The following NXPE2 variants were observed in gnomAD, a reference collection of about 807,000 sequenced individuals.
NXPE2 encodes the protein neurexophilin and PC-esterase domain family member 2, also known as NXPE family member 2.
In NXPE2, 34 loss-of-function variants were observed where a neutral mutation model predicts 34.4. The observed-to-expected ratio is 0.99, with a 90% CI of 0.75 to 1.31. NXPE2 has a LOEUF of 1.31. NXPE2 is among the 40% of genes most tolerant of loss of function. NXPE2 has a pLI of 0.00. For missense variants in NXPE2, 649 were observed against 672.5 expected (o/e 0.97, Z 0.39); for synonymous variants, 235 against 231.3 (o/e 1.02, Z -0.15).
chr11:114,681,558 A>T (rs779363623), intron 2 of NXPE2, among the ~76,000 whole-genome samples: 1 of 152,082 alleles, frequency 6.6e-6, no homozygotes, highest in African/African-American at 2.4e-5. Context: ...ACTTCCACGT[A>T]GTTCTTACTT....
At chr11:114,771,360 A>AAAG in the NXPE2 span, among the ~76,000 whole-genome samples, 2 of 149,624 alleles carry the variant, frequency 1.3e-5, no homozygotes, top group Non-Finnish European at 3.0e-5. Flanking sequence ...AAGGATATTC[A>AAAG]AAGTGATCCT....
At chr11:114,615,750 G>C in the NXPE2 span, among the ~76,000 whole-genome samples, 1 of 150,818 alleles carries the variant, frequency 6.6e-6, no homozygotes, top group East Asian at 2.0e-4. Flanking sequence ...CTGTTACTCA[G>C]TGGATAATAA....
the NXPE2 span, among the ~76,000 whole-genome samples, chr11:114,581,226 G>T: frequency 1.3e-5 from 2 of 152,156 alleles, no homozygotes; most frequent in Admixed American, 6.5e-5. Context: ...AAATTGGAGA[G>T]AAATTAGTAA....
the NXPE2 span, chr11:114,529,042 A>T: frequency 2.5e-6 from 1 of 399,734 alleles, no homozygotes; most frequent in Non-Finnish European, 4.4e-6. Context: ...TCTGGAATGC[A>T]TGTTATTTTG....
chr11:114,607,664 GATA>G, the NXPE2 span, among the ~76,000 whole-genome samples: 2 of 151,702 alleles, frequency 1.3e-5, no homozygotes, highest in African/African-American at 4.8e-5. Flanking sequence ...TTACACAGTG[GATA>G]ATAAGTGTTG....
the NXPE2 span, among the ~76,000 whole-genome samples, chr11:114,789,768 C>T: frequency 6.6e-6 from 1 of 152,192 alleles, no homozygotes; most frequent in African/African-American, 2.4e-5. Context: ...TCCCATGACA[C>T]ACTCGCTCCA....
chr11:114,695,052 A>G (rs189622285), intron 2 of NXPE2, among the ~76,000 whole-genome samples: 1 of 152,108 alleles, frequency 6.6e-6, no homozygotes, highest in Non-Finnish European at 1.5e-5. Flanking sequence ...GAACTGAGAT[A>G]GGCCTTTAGT....
At chr11:114,605,049 C>T in the NXPE2 span, among the ~76,000 whole-genome samples, 158 of 151,626 alleles carry the variant, frequency 1.0e-3, 1 homozygote, top group Admixed American at 8.3e-3. Context: ...AGTACTGCCT[C>T]GTGGGTAACC....
chr11:114,604,336 G>A, the NXPE2 span, among the ~76,000 whole-genome samples: 33 of 151,930 alleles, frequency 2.2e-4, no homozygotes, highest in African/African-American at 6.5e-4. Context: ...GTGTTGCTTC[G>A]TGGGTAACCA....
the NXPE2 span, chr11:114,529,177 G>A: frequency 5.1e-6 from 1 of 194,796 alleles, no homozygotes; most frequent in African/African-American, 2.3e-5. Flanking sequence ...CTGTCACCAA[G>A]CTGAGGAAAA....
chr11:114,575,525 G>A, the NXPE2 span, among the ~76,000 whole-genome samples: 1 of 151,940 alleles, frequency 6.6e-6, no homozygotes, highest in Non-Finnish European at 1.5e-5. Flanking sequence ...ACACAAATCA[G>A]TAGCTCTGCT....
At chr11:114,718,050 G>C in the NXPE2 span, among the ~76,000 whole-genome samples, 1 of 152,172 alleles carries the variant, frequency 6.6e-6, no homozygotes, top group African/African-American at 2.4e-5. Flanking sequence ...GGGCTCAATT[G>C]TGTAGTCTAT....
chr11:114,595,855 G>A, the NXPE2 span: 1 of 152,374 alleles, frequency 6.6e-6, no homozygotes, highest in Admixed American at 6.5e-5. Flanking sequence ...CTCAAGCAGA[G>A]GTAGGAAGGA....
the NXPE2 span, among the ~76,000 whole-genome samples, chr11:114,505,450 GAA>G: frequency 3.3e-5 from 5 of 151,594 alleles, no homozygotes; most frequent in African/African-American, 1.2e-4. Context: ...CAAAATGACA[GAA>G]AAAATGTTAA....
upstream of NXPE2, among the ~76,000 whole-genome samples, chr11:114,674,491 T>C (rs954493305): frequency 1.3e-5 from 2 of 151,532 alleles, no homozygotes; most frequent in Non-Finnish European, 3.0e-5. Flanking sequence ...CCATAGTATG[T>C]TTTATGCAAA....
the NXPE2 span, among the ~76,000 whole-genome samples, chr11:114,810,470 A>G: frequency 6.8e-6 from 1 of 147,826 alleles, no homozygotes; most frequent in Non-Finnish European, 1.5e-5. Context: ...TCCAGAATCT[A>G]CAATGAACTC....
chr11:114,608,466 T>A, the NXPE2 span, among the ~76,000 whole-genome samples: 1 of 151,978 alleles, frequency 6.6e-6, no homozygotes, highest in Admixed American at 6.6e-5. Context: ...GGATAGTAAG[T>A]ATTGCCTTGT....
the NXPE2 span, among the ~76,000 whole-genome samples, chr11:114,806,888 G>A: frequency 6.6e-6 from 1 of 152,062 alleles, no homozygotes; most frequent in Non-Finnish European, 1.5e-5. Flanking sequence ...ACACGTAATT[G>A]TCAGATTCAC....
chr11:114,550,150 T>G, the NXPE2 span, among the ~76,000 whole-genome samples: 1 of 152,144 alleles, frequency 6.6e-6, no homozygotes, highest in African/African-American at 2.4e-5. Context: ...CAAGGTTAAC[T>G]TATACATTTA....
Sources: allele counts gnomAD v4.1 joint callset (sites outside exome capture counted in the v4.1 genomes callset), GRCh38; gene constraint gnomAD v4.1.1; transcripts MANE v1.5; gene names NCBI Gene and HGNC (gene_info 2026-07-23, HGNC 2026-07-21).